Variants in LRFN5 observed in about 807,000 individuals in gnomAD.
LRFN5 encodes the protein leucine rich repeat and fibronectin type III domain containing 5.
LRFN5 carries 24 observed loss-of-function variants against 45.6 expected under a neutral mutation model. That is an observed-to-expected ratio of 0.53 (90% CI 0.38 to 0.74). LRFN5 has a LOEUF of 0.74. Among genes scored for constraint, LRFN5 ranks in the 30% least tolerant of loss-of-function variants. LRFN5 has a pLI of 0.00. For synonymous variants in LRFN5, 340 were observed against 313.8 expected (o/e 1.08, Z -0.88); for missense variants, 776 against 861.5 (o/e 0.90, Z 1.24).
intron 1 of LRFN5, among the ~76,000 whole-genome samples, chr14:41,651,038 A>G (rs1022288623): frequency 1.3e-5 from 2 of 152,182 alleles, no homozygotes; most frequent in Non-Finnish European, 2.9e-5. Flanking sequence ...GTTTTTCTAT[A>G]TATGAAATAA....
intron 2 of LRFN5, among the ~76,000 whole-genome samples, chr14:41,826,312 C>T (rs527558260): frequency 6.6e-6 from 1 of 152,288 alleles, no homozygotes; most frequent in South Asian, 2.1e-4. Flanking sequence ...CCATACTTTC[C>T]TTACACATGA....
At chr14:41,845,103 T>G (rs1249533036) in intron 2 of LRFN5, among the ~76,000 whole-genome samples, 1 of 151,164 alleles carries the variant, frequency 6.6e-6, no homozygotes, top group African/African-American at 2.4e-5. Context: ...CTAGGCTCAC[T>G]GAAGTATTAC....
At chr14:41,673,376 G>T (rs1181358721) in intron 1 of LRFN5, among the ~76,000 whole-genome samples, 3 of 145,324 alleles carry the variant, frequency 2.1e-5, no homozygotes, top group South Asian at 4.3e-4. Flanking sequence ...GGACGGGGCG[G>T]CTGGCCGGGC....
chr14:41,883,444 A>G (rs1168148996), intron 2 of LRFN5, among the ~76,000 whole-genome samples: 3 of 152,176 alleles, frequency 2.0e-5, no homozygotes, highest in African/African-American at 7.2e-5. Context: ...TCCATCATAT[A>G]TAATTTTCCT....
At chr14:41,724,161 G>A (rs1011589208) in intron 1 of LRFN5, among the ~76,000 whole-genome samples, 3 of 152,108 alleles carry the variant, frequency 2.0e-5, no homozygotes, top group African/African-American at 7.2e-5. Context: ...TCTCCTTCTT[G>A]AGATCTGGAG....
rs1251168919 is a variant in LRFN5, at chr14:41,647,679, G to C, written c.-197+39117G>C. Among the ~76,000 whole-genome samples the C allele has an allele frequency of 2.6e-5, 4 of 152,158 alleles. No individual in the cohort carries two copies. The South Asian group carries it at 8.3e-4, about 32-fold the overall frequency. On this transcript the variant is annotated intron_variant, in intron 1 of 5. Transcript: ENST00000298119. Reference sequence around the variant, plus strand: ...AGGAGGATAAAGTGTTCAGGTTTGGGCATGTTTACTTTGAGTTCCACATGG... The same window carrying C: ...AGGAGGATAAAGTGTTCAGGTTTGGCCATGTTTACTTTGAGTTCCACATGG...
intron 1 of LRFN5, among the ~76,000 whole-genome samples, chr14:41,753,575 A>G (rs966350330): frequency 4.6e-4 from 70 of 152,008 alleles, no homozygotes; most frequent in Middle Eastern, 3.4e-3. Flanking sequence ...TTTGTCTGTT[A>G]TTGGTGTATA....
chr14:41,649,845 C>CCCAA (rs1178305048), intron 1 of LRFN5, among the ~76,000 whole-genome samples: 2 of 152,104 alleles, frequency 1.3e-5, no homozygotes, highest in Admixed American at 1.3e-4. Flanking sequence ...TGGAGTAGAG[C>CCCAA]CCAACCACTC....
chr14:41,858,250 C>T (rs1889540772), intron 2 of LRFN5, among the ~76,000 whole-genome samples: 1 of 152,122 alleles, frequency 6.6e-6, no homozygotes, highest in South Asian at 2.1e-4. Context: ...CCTATCGTAA[C>T]CCTTTACCAC....
intron 1 of LRFN5, among the ~76,000 whole-genome samples, chr14:41,713,356 C>G (rs1380662413): frequency 1.3e-5 from 2 of 152,004 alleles, no homozygotes; most frequent in East Asian, 3.9e-4. Context: ...GAAAGCAGTA[C>G]TGAGAAATTA....
chr14:41,758,628 C>T (rs1334666827), intron 1 of LRFN5, among the ~76,000 whole-genome samples: 3 of 152,174 alleles, frequency 2.0e-5, no homozygotes, highest in African/African-American at 7.2e-5. Context: ...CCAAGGACAG[C>T]AGGGTTACGG....
chr14:41,796,286 G>A (rs140399540), intron 2 of LRFN5, among the ~76,000 whole-genome samples: 94 of 151,922 alleles, frequency 6.2e-4, no homozygotes, highest in African/African-American at 2.2e-3. Context: ...AAATTAGCAG[G>A]AAATATATGT....
chr14:41,632,709 T>C (rs1387861884), intron 1 of LRFN5, among the ~76,000 whole-genome samples: 1 of 152,192 alleles, frequency 6.6e-6, no homozygotes, highest in African/African-American at 2.4e-5. Flanking sequence ...GTGTCAATCT[T>C]CCTGTAGTCT....
chr14:41,756,303 A>C (rs1282950503), intron 1 of LRFN5, among the ~76,000 whole-genome samples: 1 of 152,128 alleles, frequency 6.6e-6, no homozygotes, highest in Non-Finnish European at 1.5e-5. Flanking sequence ...CTGAATTTGA[A>C]TGTTGGTCTG....
At chr14:41,792,100 C>T (rs1213653186) in intron 2 of LRFN5, among the ~76,000 whole-genome samples, 9 of 151,944 alleles carry the variant, frequency 5.9e-5, no homozygotes, top group Non-Finnish European at 7.4e-5. Context: ...GCTGGGCTGC[C>T]GGGGGTGACA....
intron 1 of LRFN5, among the ~76,000 whole-genome samples, chr14:41,677,264 C>G (rs1446673176): frequency 6.6e-6 from 1 of 152,130 alleles, no homozygotes; most frequent in African/African-American, 2.4e-5. Flanking sequence ...CAGCTACCAC[C>G]TGCAGGGGAT....
intron 1 of LRFN5, among the ~76,000 whole-genome samples, chr14:41,631,169 T>C (rs1378895642): frequency 1.3e-5 from 2 of 152,186 alleles, no homozygotes; most frequent in Non-Finnish European, 2.9e-5. Context: ...ATAATCCAGC[T>C]CTAATCTCAA....
chr14:41,886,438 C>T (rs920065562), intron 2 of LRFN5, among the ~76,000 whole-genome samples, 168 bp from the exon 3 acceptor site: 2 of 152,112 alleles, frequency 1.3e-5, no homozygotes, highest in Non-Finnish European at 2.9e-5. Flanking sequence ...TTATTCCTCC[C>T]TAGTGCCCAT....
At chr14:41,882,504 A>G (rs1446089073) in intron 2 of LRFN5, among the ~76,000 whole-genome samples, 1 of 152,080 alleles carries the variant, frequency 6.6e-6, no homozygotes, top group African/African-American at 2.4e-5. Context: ...TGCCTGAAGT[A>G]TTTCTTTCAA....
Sources: allele counts gnomAD v4.1 joint callset (sites outside exome capture counted in the v4.1 genomes callset), GRCh38; gene constraint gnomAD v4.1.1; transcripts MANE v1.5; gene names NCBI Gene and HGNC (gene_info 2026-07-23, HGNC 2026-07-21).